The following SYN3 variants were observed in gnomAD, a reference collection of about 807,000 sequenced individuals.
SYN3 encodes the protein synapsin III, also known as synapsin-3.
In SYN3, 35 loss-of-function variants were observed where a neutral mutation model predicts 65.8. That is an observed-to-expected ratio of 0.53 (90% CI 0.41 to 0.70). SYN3 has a LOEUF of 0.70. SYN3 is among the 30% of genes least tolerant of loss of function. SYN3 has a pLI of 0.00. For synonymous variants in SYN3, 270 were observed against 292.9 expected (o/e 0.92, Z 0.80); for missense variants, 680 against 749.0 (o/e 0.91, Z 1.08).
chr22:32,699,163 C>A (rs1284449287), intron 6 of SYN3, among the ~76,000 whole-genome samples: 1 of 152,180 alleles, frequency 6.6e-6, no homozygotes, highest in Non-Finnish European at 1.5e-5. Flanking sequence ...ACAGAGTTGG[C>A]CCAGAAAGAC....
intron 1 of SYN3, among the ~76,000 whole-genome samples, chr22:33,008,643 G>A (rs1239297356): frequency 6.6e-6 from 1 of 152,110 alleles, no homozygotes; most frequent in Admixed American, 6.5e-5. Context: ...GTCAGGCATG[G>A]TGGCTCACAC....
At chr22:32,680,474 G>C (rs2060508146) in intron 6 of SYN3, among the ~76,000 whole-genome samples, 1 of 152,166 alleles carries the variant, frequency 6.6e-6, no homozygotes, top group Non-Finnish European at 1.5e-5. Flanking sequence ...ATCTAGTTCA[G>C]TGTGTTTTTC....
In SYN3 at chr22:32,509,363, C is replaced by T. The variant is rs2057666136; in HGVS notation, c.*4329G>A. ...AAAGCAAGAAAAACAACAAACATAA[C>T]ATTTTAGAGTCTATACAGCATGACT... On this transcript the variant is annotated 3_prime_UTR_variant, in exon 14 of 14. Coordinates refer to ENST00000358763, the MANE Select transcript of SYN3 (RefSeq NM_003490.4). Among the ~76,000 whole-genome samples the T allele has an allele frequency of 6.6e-6, 1 of 152,292 alleles. No homozygotes were observed. Among genetic ancestry groups the T allele is most frequent in the South Asian group, 2.1e-4 (1 of 4,818 alleles).
intron 4 of SYN3, among the ~76,000 whole-genome samples, chr22:32,871,617 TA>T (rs1329503241): frequency 6.6e-6 from 1 of 151,914 alleles, no homozygotes; most frequent in African/African-American, 2.4e-5. Flanking sequence ...TTTAAATTAT[TA>T]TTTTTTTAGA....
chr22:32,749,792 T>C (rs2045056671), intron 6 of SYN3, among the ~76,000 whole-genome samples: 2 of 152,204 alleles, frequency 1.3e-5, no homozygotes, highest in South Asian at 4.1e-4. Context: ...ATGATAAATA[T>C]TCATTTGGTA....
At chr22:32,840,715 C>T (rs2047874808) in intron 6 of SYN3, among the ~76,000 whole-genome samples, 1 of 152,148 alleles carries the variant, frequency 6.6e-6, no homozygotes, top group Non-Finnish European at 1.5e-5. Flanking sequence ...TGAGTCTCTT[C>T]TGCAGGATGG....
intron 1 of SYN3, among the ~76,000 whole-genome samples, chr22:33,055,321 C>T (rs2145989066): frequency 6.6e-6 from 1 of 152,332 alleles, no homozygotes; most frequent in Non-Finnish European, 1.5e-5. Flanking sequence ...GGCCACTCCA[C>T]ACAATTTGCC....
chr22:32,882,131 A>G (rs2049159242), intron 4 of SYN3, among the ~76,000 whole-genome samples: 1 of 151,078 alleles, frequency 6.6e-6, no homozygotes, highest in African/African-American at 2.4e-5. Flanking sequence ...CTGTGACGGG[A>G]CCTGGGCTGT....
At chr22:32,990,522 A>C (rs1197021717) in intron 2 of SYN3, among the ~76,000 whole-genome samples, 4 of 152,104 alleles carry the variant, frequency 2.6e-5, no homozygotes, top group Non-Finnish European at 5.9e-5. Context: ...ATATCCATCC[A>C]TCTAGGACAT....
intron 6 of SYN3, among the ~76,000 whole-genome samples, chr22:32,804,478 G>A (rs1164751935): frequency 6.6e-6 from 1 of 152,312 alleles, no homozygotes; most frequent in South Asian, 2.1e-4. Context: ...CCCCCTAAAG[G>A]TGTTCACATC....
chr22:32,906,697 C>T (rs1378980123), intron 4 of SYN3, among the ~76,000 whole-genome samples: 3 of 152,032 alleles, frequency 2.0e-5, no homozygotes, highest in Non-Finnish European at 4.4e-5. Flanking sequence ...GTGATGTTCC[C>T]CTCCCTGTGT....
intron 7 of SYN3, among the ~76,000 whole-genome samples, chr22:32,553,286 C>T (rs576163352): frequency 4.6e-5 from 7 of 152,130 alleles, no homozygotes; most frequent in Non-Finnish European, 7.3e-5. Flanking sequence ...AAGCAGTTTG[C>T]AGATGGCCAA....
chr22:32,685,977 A>G (rs945036348), intron 6 of SYN3, among the ~76,000 whole-genome samples: 3 of 152,314 alleles, frequency 2.0e-5, no homozygotes, highest in African/African-American at 7.2e-5. Context: ...AGTCATTAAA[A>G]AACACATTTA....
At chr22:32,643,229 G>A (rs2059928675) in intron 6 of SYN3, among the ~76,000 whole-genome samples, 2 of 152,124 alleles carry the variant, frequency 1.3e-5, no homozygotes, top group African/African-American at 2.4e-5. Context: ...ACAGGTGCAC[G>A]CCACCATGCC....
At chr22:32,814,354 A>AAAGG (rs1569245558) in intron 6 of SYN3, among the ~76,000 whole-genome samples, 5 of 92,554 alleles carry the variant, frequency 5.4e-5, no homozygotes, top group East Asian at 3.5e-4. Context: ...AGAAAGAGAG[A>AAAGG]AAGAAAGAAA....
intron 4 of SYN3, among the ~76,000 whole-genome samples, chr22:32,930,547 G>A (rs574996039): frequency 2.9e-4 from 43 of 150,810 alleles, no homozygotes; most frequent in African/African-American, 1.0e-3. Flanking sequence ...TGCAGAGGCT[G>A]TTTCCTACTC....
intron 4 of SYN3, among the ~76,000 whole-genome samples, chr22:32,924,885 AGT>A (rs2050427373): frequency 1.3e-5 from 2 of 152,134 alleles, no homozygotes; most frequent in Admixed American, 1.3e-4. Context: ...TGAGCTCAGG[AGT>A]TCGATACCAG....
chr22:32,638,825 C>T (rs2059855647), intron 6 of SYN3, among the ~76,000 whole-genome samples: 1 of 152,096 alleles, frequency 6.6e-6, no homozygotes, highest in Non-Finnish European at 1.5e-5. Context: ...TTAATTAGGT[C>T]CCACTTGTCA....
intron 10 of SYN3, among the ~76,000 whole-genome samples, chr22:32,529,328 C>A (rs1317883099): frequency 2.0e-5 from 3 of 152,212 alleles, no homozygotes; most frequent in Non-Finnish European, 4.4e-5. Flanking sequence ...TCCTTTCTCA[C>A]CCTGGCCCCC....
Sources: gnomAD v4.1 joint callset for allele counts (sites outside exome capture counted in the v4.1 genomes callset) on GRCh38, gnomAD v4.1.1 for gene constraint, MANE v1.5 for transcripts, NCBI Gene and HGNC (gene_info 2026-07-23, HGNC 2026-07-21) for gene names.